Variants in ATP13A1 observed in about 807,000 individuals in gnomAD.
ATP13A1 encodes ATPase 13A1.
ATP13A1 carries 55 observed loss-of-function variants against 134.8 expected under a neutral mutation model. That is an observed-to-expected ratio of 0.41 (90% CI 0.33 to 0.51). The LOEUF is 0.51. Ranked by LOEUF, ATP13A1 falls within the 20% of genes least tolerant of loss-of-function variation. ATP13A1 has a pLI of 0.29. For synonymous variants in ATP13A1, 775 were observed against 725.1 expected (o/e 1.07, Z -1.10); for missense variants, 1,389 against 1,652.8 (o/e 0.84, Z 2.77).
chr19:19,659,735 G>A lies in ATP13A1; in HGVS notation c.543C>T (p.Tyr181=), dbSNP rs1458417052. 6.2e-6 allele frequency: 10 copies of A among 1,613,776 alleles called. No homozygotes were observed. Among genetic ancestry groups the A allele is most frequent in the Non-Finnish European group, 5.9e-6 (7 of 1,179,840 alleles). ...SFEFQKIKYS[Y]DALEKKQFLP... ...GAAACTGCTTCTTCTCCAGGGCATC[G>A]TAGGAATACTTGATCTTCTGGAATT... Residue 181 remains tyrosine (Y), a synonymous_variant, in exon 3 of 26, where the codon TAC becomes TAT. Coordinates refer to ENST00000357324, the MANE Select transcript of ATP13A1 (RefSeq NM_020410.3).
chr19:19,646,430 T>C (rs2061986324), intron 22 of ATP13A1, 83 bp from the exon 23 acceptor site: 24 of 1,527,542 alleles, frequency 1.6e-5, no homozygotes, highest in Non-Finnish European at 2.2e-5. Flanking sequence ...TAACATCCCC[T>C]GCCTCCCGGG....
rs1288302840 is a variant in ATP13A1 at position 19,645,599 on chromosome 19, G to A, written c.3504+48C>T. On this transcript the variant is annotated intron_variant, in intron 25 of 25. Coordinates refer to ENST00000357324, the MANE Select transcript of ATP13A1 (RefSeq NM_020410.3). The surrounding 1 kb of genome is among the most constrained non-coding windows in gnomAD (Gnocchi z 4.1). The stretch of plus-strand genomic sequence containing the variant: ...CCAGCTCAGGGTCACTGCCATAGGA[G>A]GGACCCATCAAGCTGAGCCCCAGGG... 3 of 1,560,918 alleles carry A rather than the reference G, an allele frequency of 1.9e-6. No individual in the cohort carries two copies. The highest frequency in any genetic ancestry group is 1.2e-5 in the South Asian group (1 of 84,858).
intron 19 of ATP13A1, 93 bp downstream of exon 19, chr19:19,649,474 G>T: frequency 7.5e-7 from 1 of 1,338,188 alleles, no homozygotes. Context: ...TGCCCCCGTG[G>T]CTGTCACCAA....
At position 19,654,625 on chromosome 19, in the gene ATP13A1, G is replaced by A; in HGVS notation, c.1731C>T (p.Leu577=). Residue 577 remains leucine, a synonymous_variant, in exon 13 of 26, where the codon CTC becomes CTT. Coordinates refer to ENST00000357324, the MANE Select transcript of ATP13A1 (RefSeq NM_020410.3). ...CGAGGGTGCCGTCGTCCAGCTGCAT[G>A]AGCGAGTGGCACGAGGCCAGGGCCC... ...THRALASCHS[L]MQLDDGTLVG... 6.2e-7 allele frequency: 1 copy of A among 1,613,646 alleles called. No individual in the cohort carries two copies. The highest frequency in any genetic ancestry group is 1.3e-5 in the African/African-American group (1 of 75,052).
At position 19,645,390 on chromosome 19, in the gene ATP13A1, C is replaced by A. The variant is rs969723706; in HGVS notation, c.*32G>T. The A allele has an allele frequency of 1.9e-6, 3 of 1,567,554 alleles. No individual in the cohort carries two copies. Among genetic ancestry groups the A allele is most frequent in the Non-Finnish European group, 2.6e-6 (3 of 1,157,568 alleles). On this transcript the variant is annotated 3_prime_UTR_variant, in exon 26 of 26. Coordinates refer to ENST00000357324, the MANE Select transcript of ATP13A1 (RefSeq NM_020410.3). This position sits in a 1 kb window ranked among gnomAD's most constrained non-coding sequence, Gnocchi z 4.1. ...GTTGGGGTTCCCGCCCAGCGGCAGC[C>A]AGGGTGGGCAGTGGGTACCAGCACT...
At position 19,656,692 on chromosome 19, in the gene ATP13A1, T is replaced by C. The variant is rs919064285; in HGVS notation, c.1051A>G (p.Met351Val). Residue 351 changes from methionine (M) to valine (V), a missense_variant, in exon 7 of 26, where the codon ATG becomes GTG. Coordinates refer to ENST00000357324, the MANE Select transcript of ATP13A1 (RefSeq NM_020410.3). This position sits in a 1 kb window ranked among gnomAD's most constrained non-coding sequence, Gnocchi z 4.6. ...LRGRCIVDEA[M>V]LTGESVPQMK... ...TGTGGCACGGACTCCCCCGTGAGCA[T>C]GGCCTCGTCTACGATGCAGCGGCCT... 1 of 1,613,828 alleles carries C rather than the reference T, an allele frequency of 6.2e-7. No homozygotes were observed. Among genetic ancestry groups the C allele is most frequent in the Non-Finnish European group, 8.5e-7 (1 of 1,179,846 alleles).
Position 19,653,764 on chromosome 19 carries a change from G to T in ATP13A1, c.2100+20C>A, listed in dbSNP as rs1360593935. ...ACGGGCCAGGCACATGGTGAAGGCAGGGGGAGCCTGGGCCCGTACCTGCTG... is the reference window on the plus strand; with the variant it reads ...ACGGGCCAGGCACATGGTGAAGGCATGGGGAGCCTGGGCCCGTACCTGCTG... On this transcript the variant is annotated intron_variant, in intron 15 of 25. Coordinates refer to ENST00000357324, the MANE Select transcript of ATP13A1 (RefSeq NM_020410.3). The surrounding 1 kb of genome is among the most constrained non-coding windows in gnomAD (Gnocchi z 4.2). The T allele has an allele frequency of 6.5e-7, 1 of 1,534,752 alleles. No homozygotes were observed.
intron 3 of ATP13A1, 41 bp from the exon 4 acceptor site, chr19:19,657,449 C>G (rs755855069): frequency 1.9e-5 from 29 of 1,544,158 alleles, no homozygotes; most frequent in Admixed American, 4.0e-5. Flanking sequence ...AGGGCAAGGC[C>G]TCTGGGGTAT....
chr19:19,659,800 G>A lies in ATP13A1; in HGVS notation c.487-9C>T. 6.2e-7 allele frequency: 1 copy of A among 1,612,546 alleles called. No individual in the cohort carries two copies. The highest frequency in any genetic ancestry group is 1.1e-5 in the South Asian group (1 of 90,986). On this transcript the variant is annotated splice_polypyrimidine_tract_variant and intron_variant, in intron 2 of 25. Transcript: ENST00000357324. ...TCAAGCCCGTCTTCGCCCTGCGGTA[G>A]AAGGTGTGTTTGCCACAGAGGCCCC...
intron 1 of ATP13A1, among the ~76,000 whole-genome samples, chr19:19,662,631 CT>C (rs2062101664): frequency 6.6e-6 from 1 of 152,216 alleles, no homozygotes; most frequent in Middle Eastern, 3.2e-3. Flanking sequence ...ACCTTGCTTG[CT>C]GTTGTATCCC....
In ATP13A1 at chr19:19,649,562, C is replaced by G. The variant is rs368314633; in HGVS notation, c.2632+5G>C. The G allele has an allele frequency of 6.2e-7, 1 of 1,612,952 alleles. No individual in the cohort carries two copies. The highest frequency in any genetic ancestry group is 8.5e-7 in the Non-Finnish European group (1 of 1,179,492). On this transcript the variant is annotated splice_donor_5th_base_variant and intron_variant, in intron 19 of 25. Transcript: ENST00000357324. ...AAACGAAATACCCTAGCCCACAGCA[C>G]TCACCCACGTCAGCATGCTTCAGGG...
intron 1 of ATP13A1, chr19:19,662,081 T>G: frequency 6.3e-7 from 1 of 1,576,170 alleles, no homozygotes; most frequent in South Asian, 1.2e-5. Flanking sequence ...CCACCTCTCC[T>G]GGCTGATGGC....
intron 17 of ATP13A1, chr19:19,650,352 C>T (rs933047776): frequency 4.2e-5 from 8 of 189,842 alleles, no homozygotes; most frequent in South Asian, 1.3e-4. Context: ...CCTGTTTTCT[C>T]GGGGCTGGGC....
Position 19,655,654 on chromosome 19 carries a change from C to T in ATP13A1, c.1270G>A (p.Gly424Ser), listed in dbSNP as rs1203838841. The change falls in exon 10 of 26, where the codon GGC (glycine) becomes AGC (serine). Residue 424 changes from glycine (G) to serine (S), a missense_variant and splice_region_variant. Physicochemically the swap from Gly to Ser is moderately conservative, Grantham distance 56 (BLOSUM62 0). Around this residue, in one of 4 missense-constraint regions of ATP13A1, gnomAD observed 747 missense variants for 956.1 expected, o/e 0.78. Transcript: ENST00000357324. The surrounding 1 kb of genome is among the most constrained non-coding windows in gnomAD (Gnocchi z 5.7). Reference protein sequence around the residue: ...VLRTGFNTSQGKLLRTILFGV... With the variant: ...VLRTGFNTSQSKLLRTILFGV... ...AAGAGGATGGTGCGCAGCAGCTTGC[C>T]CTGGAGGAATGGAGGAACAGCCTTT... The T allele has an allele frequency of 6.2e-7, 1 of 1,612,426 alleles. No individual in the cohort carries two copies. The highest frequency in any genetic ancestry group is 8.5e-7 in the Non-Finnish European group (1 of 1,179,288).
chr19:19,647,013 C>G lies in ATP13A1; in HGVS notation c.3105+116G>C. 4.4e-6 allele frequency: 5 copies of G among 1,144,628 alleles called. No homozygotes were observed. Among genetic ancestry groups the G allele is most frequent in the Non-Finnish European group, 6.1e-6 (5 of 821,300 alleles). The allele number at this position is 1,144,628 out of a possible 1,614,324, so 70.9% of individuals were successfully genotyped here. The stretch of plus-strand genomic sequence containing the variant: ...ATTTCCTGAGCCATCCCAGCTACAG[C>G]CCCCATCTCTGGGGCCCTGGGTCCT... On this transcript the variant is annotated intron_variant, in intron 22 of 25. Transcript: ENST00000357324. The surrounding 1 kb of genome is among the most constrained non-coding windows in gnomAD (Gnocchi z 4.8).
At position 19,647,733 on chromosome 19, in the gene ATP13A1, CAG is replaced by C. The variant is rs2061995421; in HGVS notation, c.2657_2658del (p.Pro886ArgfsTer128). ...CGCCGTCGCCGCTCGACAACCCGCT[CAG>C]GGGCATTGGCCAAGAGCGCCACACC... ...DVGVALLANA[P>X]ERVVERRRRP... On this transcript the variant is annotated frameshift_variant, in exon 20 of 26. Transcript: ENST00000357324. LOFTEE classifies it high-confidence loss of function. This position sits in a 1 kb window ranked among gnomAD's most constrained non-coding sequence, Gnocchi z 4.8. 2 of 1,604,898 alleles carry C rather than the reference CAG, an allele frequency of 1.2e-6. No homozygotes were observed. Among genetic ancestry groups the C allele is most frequent in the Non-Finnish European group, 1.7e-6 (2 of 1,178,376 alleles).
Position 19,651,750 on chromosome 19 carries a change from G to A in ATP13A1, c.2274C>T (p.Ala758=). Residue 758 remains alanine (A), a synonymous_variant, in exon 17 of 26, where the codon GCC becomes GCT. Transcript: ENST00000357324. ...CCTTTTCAATGAAGTGCAGCTCCTG[G>A]GCCACGTGGCATGCAGTGAGCGGGT... ...GDNPLTACHV[A]QELHFIEKAH... is the part of the protein sequence containing the mutation. 1.2e-6 allele frequency: 2 copies of A among 1,613,350 alleles called. No homozygotes were observed. Among genetic ancestry groups the A allele is most frequent in the South Asian group, 2.2e-5 (2 of 90,998 alleles).
In ATP13A1 at chr19:19,659,679, A is replaced by T; in HGVS notation, c.599T>A (p.Phe200Tyr). Reference protein sequence around the residue: ...LPVAFPVGNAFSYYQSNRGFQ... With the variant: ...LPVAFPVGNAYSYYQSNRGFQ... ...GCCTCTGTTGCTCTGATAGTATGAG[A>T]AGGCGTTTCCCACAGGAAAGGCCAC... Residue 200 changes from phenylalanine to tyrosine, a missense_variant, in exon 3 of 26, where the codon TTC (phenylalanine) becomes TAC (tyrosine). Phe to Tyr is a conservative substitution (Grantham distance 22, BLOSUM62 3). Around this residue, in one of 4 missense-constraint regions of ATP13A1, gnomAD observed 747 missense variants for 956.1 expected, o/e 0.78. Coordinates refer to ENST00000357324, the MANE Select transcript of ATP13A1 (RefSeq NM_020410.3). The T allele has an allele frequency of 6.2e-7, 1 of 1,613,938 alleles. No homozygotes were observed. The highest frequency in any genetic ancestry group is 8.5e-7 in the Non-Finnish European group (1 of 1,179,882).
At position 19,645,579 on chromosome 19, in the gene ATP13A1, T is replaced by G. The variant is rs756913302; in HGVS notation, c.3505-47A>C. On this transcript the variant is annotated intron_variant, in intron 25 of 25. Transcript: ENST00000357324. The surrounding 1 kb of genome is among the most constrained non-coding windows in gnomAD (Gnocchi z 4.1). ...GTGAGCTGGAGACCTGCAGCCCAGC[T>G]CAGGGTCACTGCCATAGGAGGGACC... 6.4e-7 allele frequency: 1 copy of G among 1,563,620 alleles called. No homozygotes were observed. Among genetic ancestry groups the G allele is most frequent in the South Asian group, 1.2e-5 (1 of 85,116 alleles).
Sources: gnomAD v4.1 joint callset for allele counts (sites outside exome capture counted in the v4.1 genomes callset) on GRCh38, gnomAD v4.1.1 for gene constraint, gnomAD v4.1.1 regional missense constraint, Gnocchi (gnomAD v3.1) non-coding constraint, MANE v1.5 for transcripts, NCBI Gene and HGNC (gene_info 2026-07-23, HGNC 2026-07-21) for gene names.